The following ZNF609 variants were observed in gnomAD, a reference collection of about 807,000 sequenced individuals.
The protein encoded by ZNF609 is zinc finger protein 609.
In ZNF609, 11 loss-of-function variants were observed where a neutral mutation model predicts 109.5. The ratio of observed to expected loss-of-function variants is 0.10; its 90% CI spans 0.06 to 0.17. ZNF609 has a LOEUF of 0.17. Ranked by LOEUF, ZNF609 falls within the 10% of genes least tolerant of loss-of-function variation. The pLI is 1.00. For missense variants in ZNF609, 1,559 were observed against 1,772.4 expected (o/e 0.88, Z 2.16); for synonymous variants, 646 against 662.0 (o/e 0.98, Z 0.37).
intron 3 of ZNF609, among the ~76,000 whole-genome samples, chr15:64,664,499 A>T (rs1235275794): frequency 6.6e-6 from 1 of 152,182 alleles, no homozygotes; most frequent in Admixed American, 6.5e-5. Context: ...GTGAACACTT[A>T]TGAAAAATAG....
intron 3 of ZNF609, among the ~76,000 whole-genome samples, chr15:64,669,292 T>C (rs1199173938): frequency 6.6e-6 from 1 of 152,198 alleles, no homozygotes; most frequent in Admixed American, 6.5e-5. Flanking sequence ...TTATTTGTAA[T>C]AGCAGAAGAT....
At chr15:64,626,054 A>G (rs1176746841) in intron 3 of ZNF609, among the ~76,000 whole-genome samples, 2 of 151,532 alleles carry the variant, frequency 1.3e-5, no homozygotes, top group Non-Finnish European at 2.9e-5. Flanking sequence ...CAGAATAAAT[A>G]CTGCTTTCAC....
intron 3 of ZNF609, among the ~76,000 whole-genome samples, chr15:64,624,599 C>T (rs893389109): frequency 6.6e-6 from 1 of 152,018 alleles, no homozygotes; most frequent in Admixed American, 6.6e-5. Flanking sequence ...TGCTTTCACT[C>T]TCCTGAGGAC....
At chr15:64,560,366 G>A (rs1450442588) in intron 2 of ZNF609, among the ~76,000 whole-genome samples, 2 of 144,862 alleles carry the variant, frequency 1.4e-5, no homozygotes, top group African/African-American at 2.5e-5. Flanking sequence ...TTTTTAATTT[G>A]TTTTTTTTTT....
chr15:64,536,951 G>A (rs1477780023), intron 2 of ZNF609, among the ~76,000 whole-genome samples: 4 of 143,460 alleles, frequency 2.8e-5, no homozygotes, highest in Admixed American at 2.1e-4. Flanking sequence ...GGCCGGGCAC[G>A]GTGGCTCACA....
chr15:64,626,957 A>G (rs1425065486), intron 3 of ZNF609, among the ~76,000 whole-genome samples: 1 of 152,140 alleles, frequency 6.6e-6, no homozygotes, highest in Non-Finnish European at 1.5e-5. Flanking sequence ...ACTTCAAATC[A>G]AAATACTGAG....
At chr15:64,612,447 C>T (rs1895732915) in intron 2 of ZNF609, among the ~76,000 whole-genome samples, 1 of 152,048 alleles carries the variant, frequency 6.6e-6, no homozygotes, top group East Asian at 1.9e-4. Flanking sequence ...CTGTGCCCGG[C>T]CTATATATAG....
At chr15:64,586,122 C>T (rs936822588) in intron 2 of ZNF609, among the ~76,000 whole-genome samples, 1 of 151,968 alleles carries the variant, frequency 6.6e-6, no homozygotes, top group Admixed American at 6.6e-5. Flanking sequence ...GTCAGGAGTT[C>T]GAGACCAGCC....
intron 2 of ZNF609, among the ~76,000 whole-genome samples, chr15:64,550,324 A>ATTG (rs35706760): frequency 0.14 from 21,566 of 150,884 alleles, 1,942 homozygotes; most frequent in African/African-American, 0.26. Context: ...TGTTGTTGTT[A>ATTG]TTGTTGTTGT....
intron 1 of ZNF609, among the ~76,000 whole-genome samples, chr15:64,478,015 T>C (rs1414852594): frequency 6.6e-6 from 1 of 152,228 alleles, no homozygotes; most frequent in Non-Finnish European, 1.5e-5. Flanking sequence ...TGCCATTTGA[T>C]GTAGCTGAGG....
intron 2 of ZNF609, among the ~76,000 whole-genome samples, chr15:64,616,812 CTTT>C (rs56338576): frequency 6.1e-5 from 2 of 32,832 alleles, no homozygotes; most frequent in Non-Finnish European, 4.8e-5. Flanking sequence ...AGCCACCATG[CTTT>C]TTTTTTTTTT....
chr15:64,639,853 C>T (rs1239403226), intron 3 of ZNF609, among the ~76,000 whole-genome samples: 1 of 152,118 alleles, frequency 6.6e-6, no homozygotes, highest in Non-Finnish European at 1.5e-5. Flanking sequence ...TTCCCAAAGT[C>T]AGTCTGAGCA....
At chr15:64,578,493 G>T (rs981659443) in intron 2 of ZNF609, among the ~76,000 whole-genome samples, 1 of 152,032 alleles carries the variant, frequency 6.6e-6, no homozygotes, top group Non-Finnish European at 1.5e-5. Context: ...AGGAGTTCGA[G>T]ATCAGCCTGA....
chr15:64,611,731 C>A (rs764970930), intron 2 of ZNF609, among the ~76,000 whole-genome samples: 5 of 151,092 alleles, frequency 3.3e-5, no homozygotes, highest in Admixed American at 6.6e-5. Context: ...CTTGAATTTT[C>A]TTTTCTTTTT....
At chr15:64,531,428 G>A (rs1004925996) in intron 2 of ZNF609, among the ~76,000 whole-genome samples, 2 of 152,170 alleles carry the variant, frequency 1.3e-5, no homozygotes, top group Admixed American at 1.3e-4. Context: ...GGACAGTCTC[G>A]CTCTGTCACC....
chr15:64,528,289 G>C (rs1043134760), intron 2 of ZNF609, among the ~76,000 whole-genome samples: 11 of 151,354 alleles, frequency 7.3e-5, no homozygotes, highest in African/African-American at 2.7e-4. Flanking sequence ...AGTAGAGATG[G>C]GGTTTCACCA....
At chr15:64,626,635 A>G (rs907444620) in intron 3 of ZNF609, among the ~76,000 whole-genome samples, 3 of 152,182 alleles carry the variant, frequency 2.0e-5, no homozygotes, top group African/African-American at 7.2e-5. Context: ...GAGAACAGGT[A>G]TAGGAGTCAT....
At chr15:64,650,911 AT>A (rs1344766879) in intron 3 of ZNF609, among the ~76,000 whole-genome samples, 1 of 151,992 alleles carries the variant, frequency 6.6e-6, no homozygotes, top group African/African-American at 2.4e-5. Flanking sequence ...ATCCTTTGTC[AT>A]TTATTTAAAA....
chr15:64,667,387 A>G (rs1896665375), intron 3 of ZNF609, among the ~76,000 whole-genome samples: 1 of 152,118 alleles, frequency 6.6e-6, no homozygotes, highest in Non-Finnish European at 1.5e-5. Flanking sequence ...GATCCCCCAG[A>G]TTTATTGTCT....
Sources: allele counts gnomAD v4.1 joint callset (sites outside exome capture counted in the v4.1 genomes callset), GRCh38; gene constraint gnomAD v4.1.1; transcripts MANE v1.5; gene names NCBI Gene and HGNC (gene_info 2026-07-23, HGNC 2026-07-21).